RERE: variants seen among roughly 807,000 people sequenced by gnomAD.
RERE encodes arginine-glutamic acid dipeptide repeats.
A neutral mutation model predicts 146.1 loss-of-function variants in RERE; 40 were observed. The ratio of observed to expected loss-of-function variants is 0.27; its 90% CI spans 0.21 to 0.36. The LOEUF (loss-of-function observed/expected upper bound fraction) is 0.36. Among genes scored for constraint, RERE ranks in the 10% least tolerant of loss-of-function variants. The pLI, the probability that RERE is intolerant of heterozygous loss-of-function variation, is 1.00. For missense variants in RERE, 1,933 were observed against 2,138.7 expected, an observed-to-expected ratio of 0.90 and a Z score of 1.90; for synonymous variants, 1,003 against 866.0, an observed-to-expected ratio of 1.16 and a Z score of -2.78.
chr1:8,454,379 G>A lies in RERE; in HGVS notation c.1203+11546C>T, dbSNP rs1051882025. ...ATGTGGCCAATTTTTCACCTGGGAA[G>A]TGAAAGGATGGGGCAGGCAGCAGAC... On this transcript the variant is annotated intron_variant, in intron 11 of 22. Transcript: ENST00000400908. 5.9e-5 allele frequency among the ~76,000 whole-genome samples: 9 copies of A among 151,658 alleles called. 1 individual carries two copies. The highest frequency in any genetic ancestry group is 1.3e-4 in the Non-Finnish European group (9 of 68,042).
At chr1:8,754,940 A>G (rs568712015) in intron 1 of RERE, among the ~76,000 whole-genome samples, 23 of 152,364 alleles carry the variant, frequency 1.5e-4, no homozygotes, top group African/African-American at 4.6e-4. Flanking sequence ...TCAAGCCTCA[A>G]TAAACCCCTA....
At chr1:8,543,162 GA>G (rs1645819564) in intron 6 of RERE, among the ~76,000 whole-genome samples, 1 of 152,028 alleles carries the variant, frequency 6.6e-6, no homozygotes, top group Non-Finnish European at 1.5e-5. Flanking sequence ...CCAATTCAAG[GA>G]AAAATACAGA....
intron 1 of RERE, among the ~76,000 whole-genome samples, chr1:8,734,838 TTCTC>T (rs555185101): frequency 3.9e-5 from 6 of 152,274 alleles, no homozygotes; most frequent in Non-Finnish European, 5.9e-5. Flanking sequence ...AAAAGGGACT[TTCTC>T]TGTCTGGAAT....
intron 11 of RERE, among the ~76,000 whole-genome samples, chr1:8,441,384 C>T (rs1045879842): frequency 6.6e-6 from 1 of 152,230 alleles, no homozygotes; most frequent in African/African-American, 2.4e-5. Flanking sequence ...CACTGCCCCC[C>T]TCTCACTTCA....
chr1:8,705,599 A>AT (rs1270273003), intron 1 of RERE, among the ~76,000 whole-genome samples: 10 of 152,106 alleles, frequency 6.6e-5, no homozygotes, highest in South Asian at 2.1e-4. Flanking sequence ...CATGGGTGTG[A>AT]TTTTTTTTAA....
At chr1:8,389,028 G>T (rs1012609186) in intron 12 of RERE, among the ~76,000 whole-genome samples, 4 of 152,172 alleles carry the variant, frequency 2.6e-5, no homozygotes, top group African/African-American at 9.7e-5. Context: ...TCTTTCTTAG[G>T]ATCACTGTTT....
intron 4 of RERE, among the ~76,000 whole-genome samples, chr1:8,592,402 C>CT (rs908642543): frequency 3.5e-4 from 54 of 152,256 alleles, no homozygotes; most frequent in African/African-American, 1.3e-3. Flanking sequence ...TCCCAAGTAT[C>CT]TGGGACTACA....
At chr1:8,733,843 G>A (rs1013646813) in intron 1 of RERE, among the ~76,000 whole-genome samples, 1 of 152,234 alleles carries the variant, frequency 6.6e-6, no homozygotes, top group Non-Finnish European at 1.5e-5. Context: ...GGGCACGGTG[G>A]CTCACGCCTA....
chr1:8,739,571 T>C (rs1248771877), intron 1 of RERE, among the ~76,000 whole-genome samples: 9 of 152,104 alleles, frequency 5.9e-5, no homozygotes, highest in Admixed American at 5.9e-4. Context: ...AAACTAAACA[T>C]CGTGCCAGCT....
At chr1:8,653,050 A>G (rs1440524290) in intron 2 of RERE, among the ~76,000 whole-genome samples, 1 of 152,210 alleles carries the variant, frequency 6.6e-6, no homozygotes, top group Non-Finnish European at 1.5e-5. Flanking sequence ...GGAGATACTC[A>G]GCAGAAACAG....
At chr1:8,759,827 TACTC>T (rs1266659555) in intron 1 of RERE, among the ~76,000 whole-genome samples, 8 of 135,346 alleles carry the variant, frequency 5.9e-5, no homozygotes, top group Admixed American at 3.1e-4. Flanking sequence ...TCTAAATTCT[TACTC>T]TCTCTATACA....
In RERE at chr1:8,618,651, C is replaced by T. The variant is rs115830568; in HGVS notation, c.397-3965G>A. ...GACTAAAGAAATGCAGTCGATAATG[C>T]GTAAGTCTGATAATTAAGTCACTGT... is the stretch of plus-strand genomic sequence containing the variant. On this transcript the variant is annotated intron_variant, in intron 3 of 22. Transcript: ENST00000400908. Among the ~76,000 whole-genome samples the T allele has an allele frequency of 4.0e-3, 604 of 152,192 alleles. 2 individuals carry two copies. The highest frequency in any genetic ancestry group is 0.014 in the African/African-American group (571 of 41,524).
chr1:8,403,514 C>T (rs1393342921), intron 12 of RERE, among the ~76,000 whole-genome samples: 3 of 150,850 alleles, frequency 2.0e-5, no homozygotes, highest in African/African-American at 7.3e-5. Flanking sequence ...TATAGGCGCC[C>T]ACCACCACAC....
intron 10 of RERE, among the ~76,000 whole-genome samples, chr1:8,491,621 C>A (rs75273054): frequency 0.049 from 7,445 of 152,044 alleles, 603 homozygotes; most frequent in African/African-American, 0.17. Flanking sequence ...CTGCCTCAAA[C>A]AAACAAACAA....
intron 12 of RERE, chr1:8,380,952 T>C: frequency 2.2e-6 from 1 of 456,634 alleles, no homozygotes; most frequent in Middle Eastern, 3.3e-4. Context: ...CTTGAGTCCT[T>C]CCCTGGGTAA....
At chr1:8,372,694 T>TA (rs1642087412) in intron 12 of RERE, among the ~76,000 whole-genome samples, 1 of 152,254 alleles carries the variant, frequency 6.6e-6, no homozygotes, top group African/African-American at 2.4e-5. Flanking sequence ...CTGCTGGCCT[T>TA]ACGGCTATGT....
intron 1 of RERE, among the ~76,000 whole-genome samples, chr1:8,810,511 C>G (rs1470830248): frequency 6.6e-6 from 1 of 152,110 alleles, no homozygotes. Context: ...GTGGCTGAGG[C>G]AGGAGGATCA....
chr1:8,524,190 A>G (rs1375862988), intron 7 of RERE, among the ~76,000 whole-genome samples: 1 of 152,246 alleles, frequency 6.6e-6, no homozygotes, highest in Non-Finnish European at 1.5e-5. Context: ...TCCCCAGTGC[A>G]ATGCCCAAAT....
intron 8 of RERE, among the ~76,000 whole-genome samples, chr1:8,501,271 T>C (rs866176449): frequency 0.16 from 5,515 of 34,470 alleles, no homozygotes; most frequent in East Asian, 0.29. Context: ...CTCTGCCCGG[T>C]CGCCCCTACC....
Sources: gnomAD v4.1 joint callset for allele counts (sites outside exome capture counted in the v4.1 genomes callset) on GRCh38, gnomAD v4.1.1 for gene constraint, MANE v1.5 for transcripts, NCBI Gene and HGNC (gene_info 2026-07-23, HGNC 2026-07-21) for gene names.